TUBGCP2: variants seen among roughly 807,000 people sequenced by gnomAD.
TUBGCP2 encodes the protein gamma-tubulin complex component 2.
TUBGCP2 carries 55 observed loss-of-function variants against 92.2 expected under a neutral mutation model. The observed-to-expected ratio is 0.60, with a 90% CI of 0.48 to 0.75. TUBGCP2 has a LOEUF of 0.75. Among genes scored for constraint, TUBGCP2 ranks in the 30% least tolerant of loss-of-function variants. TUBGCP2 has a pLI of 0.00. For synonymous variants in TUBGCP2, 533 were observed against 505.2 expected, an observed-to-expected ratio of 1.06 and a Z score of -0.74; for missense variants, 1,093 against 1,188.9, an observed-to-expected ratio of 0.92 and a Z score of 1.19.
upstream of TUBGCP2, chr10:133,308,950 T>C: frequency 8.1e-7 from 1 of 1,232,886 alleles, no homozygotes; most frequent in South Asian, 4.0e-5. Flanking sequence ...GGTGATGCAG[T>C]TGCCCCCCGC....
rs1161167488 is a variant in TUBGCP2 at position 133,302,873 on chromosome 10, A to G, written c.69T>C (p.Asp23=). ...GCAGGTCAATGTAGACCTCAGCCCC[A>G]TCTCCTCCGTGGACACGCAGCAGGC... ...LLSLLRVHGG[D]GAEVYIDLLQ... Residue 23 remains aspartate, a synonymous_variant, in exon 2 of 18, where the codon GAT becomes GAC. Transcript: ENST00000252936. 1.2e-6 allele frequency: 2 copies of G among 1,613,898 alleles called. No homozygotes were observed. The highest frequency in any genetic ancestry group is 3.3e-5 in the Admixed American group (2 of 60,006).
At chr10:133,292,770 G>A in intron 7 of TUBGCP2, 82 bp from the exon 8 acceptor site, 2 of 1,481,586 alleles carry the variant, frequency 1.3e-6, no homozygotes, top group South Asian at 1.3e-5. Flanking sequence ...GGCCCCTCAT[G>A]CTTCTCCAAC....
rs1215269608 is a variant in TUBGCP2, at chr10:133,283,006, T to C, written c.2289+72A>G. 1.9e-6 allele frequency: 3 copies of C among 1,583,968 alleles called. No homozygotes were observed. The African/African-American group carries it at 4.0e-5, about 21-fold the overall frequency. ...GGCAGGAAAACGTGAGCAGGCTGCG[T>C]GCGGCCACGGTCGGGACATGGTCTG... On this transcript the variant is annotated intron_variant, in intron 15 of 17. Coordinates refer to ENST00000252936, the MANE Select transcript of TUBGCP2 (RefSeq NM_006659.4).
chr10:133,312,043 T>G, upstream of TUBGCP2: 1 of 1,501,872 alleles, frequency 6.7e-7, no homozygotes. Context: ...ACTCTGTTTT[T>G]GAGCCATTGA....
At chr10:133,296,885 CT>C (rs1405558948) in intron 5 of TUBGCP2, among the ~76,000 whole-genome samples, 2 of 152,188 alleles carry the variant, frequency 1.3e-5, no homozygotes, top group African/African-American at 4.8e-5. Context: ...CAGCAGGGTT[CT>C]GTTTGCTTGG....
chr10:133,304,589 T>C (rs1847761673), intron 1 of TUBGCP2, among the ~76,000 whole-genome samples: 2 of 152,206 alleles, frequency 1.3e-5, no homozygotes, highest in South Asian at 2.1e-4. Context: ...AAACATCGAG[T>C]GTGGGCGGCA....
chr10:133,283,529 G>A (rs1452602969), intron 14 of TUBGCP2, among the ~76,000 whole-genome samples: 10 of 152,238 alleles, frequency 6.6e-5, no homozygotes, highest in Admixed American at 1.3e-4. Context: ...AGACAACCTC[G>A]GGGCAAAGAC....
Position 133,285,413 on chromosome 10 carries a change from C to A in TUBGCP2, c.1895+43G>T, listed in dbSNP as rs765297298. 1 of 1,612,268 alleles carries A rather than the reference C, an allele frequency of 6.2e-7. No individual in the cohort carries two copies. Among genetic ancestry groups the A allele is most frequent in the Non-Finnish European group, 8.5e-7 (1 of 1,179,646 alleles). ...TGGCACAGTTCTCGCTTCTGCCAAACCTGAGTGAAGATCTGGCAGGTGCCC... is the reference window on the plus strand; with the variant it reads ...TGGCACAGTTCTCGCTTCTGCCAAAACTGAGTGAAGATCTGGCAGGTGCCC... On this transcript the variant is annotated intron_variant, in intron 12 of 17. Coordinates refer to ENST00000252936, the MANE Select transcript of TUBGCP2 (RefSeq NM_006659.4). The surrounding 1 kb of genome is among the most constrained non-coding windows in gnomAD (Gnocchi z 6.8).
upstream of TUBGCP2, chr10:133,308,957 C>G (rs955678638): frequency 1.1e-5 from 14 of 1,238,140 alleles, no homozygotes; most frequent in African/African-American, 1.3e-4. Context: ...CAGTTGCCCC[C>G]CGCGCTGTGC....
At chr10:133,312,157 A>C (rs1564779768), upstream of TUBGCP2, 2 of 1,372,032 alleles carry the variant, frequency 1.5e-6, no homozygotes, top group South Asian at 1.6e-5. Flanking sequence ...GTCTGCCTTA[A>C]TAGCATCACC....
intron 1 of TUBGCP2, among the ~76,000 whole-genome samples, chr10:133,306,153 G>A (rs537433309): frequency 6.6e-6 from 1 of 152,226 alleles, no homozygotes; most frequent in African/African-American, 2.4e-5. Flanking sequence ...GTTTACAAAA[G>A]GAAAATTGGG....
intron 2 of TUBGCP2, among the ~76,000 whole-genome samples, chr10:133,301,538 G>A (rs1009689039): frequency 5.9e-5 from 9 of 151,990 alleles, no homozygotes; most frequent in African/African-American, 2.2e-4. Context: ...TTGTGCCATT[G>A]TTAACCTGTT....
rs1847415524 is a variant in TUBGCP2, at chr10:133,293,550, C to T, written c.824+12G>A. The stretch of plus-strand genomic sequence containing the variant: ...ACAGCGCAGGCTCCCAGGGACCGCG[C>T]CCGGTGCCCACCTGGTCACAGCGGA... On this transcript the variant is annotated intron_variant, in intron 6 of 17. Coordinates refer to ENST00000252936, the MANE Select transcript of TUBGCP2 (RefSeq NM_006659.4). 7.7e-6 allele frequency: 12 copies of T among 1,550,204 alleles called. No individual in the cohort carries two copies. The highest frequency in any genetic ancestry group is 1.4e-5 in the African/African-American group (1 of 73,178).
chr10:133,309,496 C>G (rs997050056), upstream of TUBGCP2: 1 of 1,599,218 alleles, frequency 6.3e-7, no homozygotes, highest in Non-Finnish European at 8.5e-7. Flanking sequence ...GCCAGTGCTA[C>G]TCCTGCGCCG....
chr10:133,296,793 A>C (rs1018748095), intron 5 of TUBGCP2, among the ~76,000 whole-genome samples: 2 of 152,164 alleles, frequency 1.3e-5, no homozygotes, highest in Non-Finnish European at 1.5e-5. Context: ...ACTGTTTTCC[A>C]TACTTTTCAT....
At chr10:133,309,141 G>A (rs956619102), upstream of TUBGCP2, 6 of 1,384,766 alleles carry the variant, frequency 4.3e-6, no homozygotes, top group East Asian at 2.8e-5. Flanking sequence ...GATCCAGTGG[G>A]GCCTACGGCG....
In TUBGCP2 at chr10:133,279,398, A is replaced by G; in HGVS notation, c.*368T>C. On this transcript the variant is annotated 3_prime_UTR_variant, in exon 18 of 18. Coordinates refer to ENST00000252936, the MANE Select transcript of TUBGCP2 (RefSeq NM_006659.4). ...TGTCCCGGTTCCGACAGACCTCAGG[A>G]AGCCCGGCCCCAGCTCACCCGGAAA... 4.6e-6 allele frequency: 1 copy of G among 216,268 alleles called. No individual in the cohort carries two copies. Among genetic ancestry groups the G allele is most frequent in the South Asian group, 6.8e-5 (1 of 14,686 alleles). 13.4% of individuals were successfully genotyped at this position (216,268 alleles called of 1,614,324 possible).
rs1847481485 is a variant in TUBGCP2 at position 133,296,080 on chromosome 10, C to T, written c.616+1872G>A. ...TGTGCTGAGGGCACCTGCACCCTGA[C>T]CTGAGAGCTGGCTGCAGGGTTCACA... On this transcript the variant is annotated intron_variant, in intron 5 of 17. Coordinates refer to ENST00000252936, the MANE Select transcript of TUBGCP2 (RefSeq NM_006659.4). The T allele has an allele frequency of 2.6e-5, 4 of 152,466 alleles. No individual in the cohort carries two copies. The South Asian group carries it at 8.3e-4, about 32-fold the overall frequency. The allele number at this position is 152,466 out of a possible 1,614,324, so 9.4% of individuals were successfully genotyped here. A position where few individuals can be genotyped will look rare whatever the true frequency, so the allele number is the denominator to read the frequency against.
chr10:133,299,929 C>G, intron 3 of TUBGCP2, 56 bp downstream of exon 3: 1 of 1,596,022 alleles, frequency 6.3e-7, no homozygotes, highest in East Asian at 2.2e-5. Context: ...GAGACGCGAC[C>G]CCACTCCCAA....
Sources: allele counts gnomAD v4.1 joint callset (sites outside exome capture counted in the v4.1 genomes callset), GRCh38; gene constraint gnomAD v4.1.1; non-coding constraint Gnocchi (gnomAD v3.1); transcripts MANE v1.5; gene names NCBI Gene and HGNC (gene_info 2026-07-23, HGNC 2026-07-21).